SYCE1L: variants seen among roughly 807,000 people sequenced by gnomAD.
SYCE1L encodes the protein synaptonemal complex central element protein 1-like.
In SYCE1L, 51 loss-of-function variants were observed where a neutral mutation model predicts 39.6. That is an observed-to-expected ratio of 1.29 (90% CI 1.03 to 1.63). SYCE1L has a LOEUF of 1.63. SYCE1L is among the 40% of genes most tolerant of loss of function. SYCE1L has a pLI of 0.00. For missense variants in SYCE1L, 426 were observed against 304.9 expected, an observed-to-expected ratio of 1.40 and a Z score of -2.96; for synonymous variants, 147 against 122.4, an observed-to-expected ratio of 1.20 and a Z score of -1.33.
intron 1 of SYCE1L, among the ~76,000 whole-genome samples, chr16:77,202,962 GCTTTA>G (rs1463584865): frequency 1.6e-5 from 2 of 126,786 alleles, no homozygotes; most frequent in East Asian, 7.3e-4. Context: ...TATTAAAGTA[GCTTTA>G]CTTTTTTGTC....
intron 4 of SYCE1L, 77 bp downstream of exon 4, chr16:77,208,616 C>T (rs2343035): frequency 0.68 from 932,789 of 1,375,134 alleles, 318,444 homozygotes; most frequent in Non-Finnish European, 0.7. Flanking sequence ...GCACAGGCTG[C>T]TCCCTGGCCT....
In SYCE1L at chr16:77,209,390, AGGGTCCCCTT is replaced by A. The variant is rs2054807504; in HGVS notation, c.305-24_305-15del. 13 of 1,551,352 alleles carry A rather than the reference AGGGTCCCCTT, an allele frequency of 8.4e-6. No individual in the cohort carries two copies. The highest frequency in any genetic ancestry group is 1.1e-5 in the Non-Finnish European group (13 of 1,146,820). ...ACCCTGACTCCCCAAGAGCTCTCAA[AGGGTCCCCTT>A]GGTTCCTTCCCCACAGAGGCACTGA... On this transcript the variant is annotated splice_polypyrimidine_tract_variant and intron_variant, in intron 5 of 10. Coordinates refer to ENST00000378644, the MANE Select transcript of SYCE1L (RefSeq NM_001129979.3).
intron 2 of SYCE1L, among the ~76,000 whole-genome samples, chr16:77,206,833 A>G (rs531364996): frequency 1.7e-3 from 86 of 49,664 alleles, no homozygotes; most frequent in Non-Finnish European, 5.4e-3. Flanking sequence ...ATGGATGTAT[A>G]TTTTTTGTCC....
intron 1 of SYCE1L, chr16:77,201,172 A>C (rs2054738429): frequency 6.6e-6 from 1 of 152,232 alleles, no homozygotes; most frequent in Non-Finnish European, 1.5e-5. Context: ...TTAATGTGTG[A>C]CCAATGAAAT....
chr16:77,199,882 C>T (rs1485021041), intron 1 of SYCE1L: 1 of 179,356 alleles, frequency 5.6e-6, no homozygotes, highest in East Asian at 1.6e-4. Flanking sequence ...TCACACCTAA[C>T]ACATATGACA....
At position 77,212,583 on chromosome 16, in the gene SYCE1L, G is replaced by A. The variant is rs531815631; in HGVS notation, c.591G>A (p.Ala197=). 6 of 1,536,534 alleles carry A rather than the reference G, an allele frequency of 3.9e-6. No individual in the cohort carries two copies. Among genetic ancestry groups the A allele is most frequent in the Non-Finnish European group, 5.2e-6 (6 of 1,146,552 alleles). ...GGCCCCTTCTCCGCAGGCTGAAGGC[G>A]GAGCTGGAGATATTCGGGGAGCAGG... ...GAMAVNDGLK[A]ELEIFGEQVR... is the part of the protein sequence containing the mutation. Residue 197 remains alanine, a synonymous_variant, in exon 10 of 11, where the codon GCG becomes GCA. Transcript: ENST00000378644.
At chr16:77,202,229 A>G (rs1329239118) in intron 1 of SYCE1L, 1 of 152,210 alleles carries the variant, frequency 6.6e-6, no homozygotes, top group African/African-American at 2.4e-5. Context: ...TATATAGGAA[A>G]TAGACACTGG....
chr16:77,203,331 T>C (rs2054759964), intron 1 of SYCE1L, among the ~76,000 whole-genome samples: 1 of 152,168 alleles, frequency 6.6e-6, no homozygotes, highest in Admixed American at 6.5e-5. Context: ...TTGTTTATCA[T>C]GTAAGTTATT....
Position 77,208,480 on chromosome 16 carries a change from G to T in SYCE1L, c.197G>T (p.Ser66Ile), listed in dbSNP as rs1488155495. Reference sequence around the variant, plus strand: ...CTTGGCCCAGCAAAGAAGAAATCCAGTGAGGAACTGAGAGAGACCCACAGT... The same window carrying T: ...CTTGGCCCAGCAAAGAAGAAATCCATTGAGGAACTGAGAGAGACCCACAGT... ...NDLQQAKKKS[S>I]EELRETHSLW... The change falls in exon 4 of 11, where the codon AGT becomes ATT. Residue 66 changes from serine (S) to isoleucine (I), a missense_variant. Ser to Ile is a moderately radical substitution (Grantham distance 142, BLOSUM62 -2). Transcript: ENST00000378644. The T allele has an allele frequency of 1.3e-6, 2 of 1,551,558 alleles. No individual in the cohort carries two copies. The highest frequency in any genetic ancestry group is 2.7e-5 in the African/African-American group (2 of 73,030).
chr16:77,212,009 T>C, intron 7 of SYCE1L, 121 bp from the exon 8 acceptor site: 1 of 1,120,140 alleles, frequency 8.9e-7, no homozygotes, highest in Admixed American at 2.8e-5. Context: ...AGTTAATAAA[T>C]AGTTGAATGA....
At chr16:77,201,724 G>T in intron 1 of SYCE1L, 1 of 152,158 alleles carries the variant, frequency 6.6e-6, no homozygotes, top group East Asian at 1.9e-4. Context: ...TGTGCATGCT[G>T]TGGAGTGTCT....
intron 5 of SYCE1L, 41 bp downstream of exon 5, chr16:77,209,185 ACC>A (rs1320466386): frequency 6.5e-7 from 1 of 1,548,192 alleles, no homozygotes; most frequent in Admixed American, 2.0e-5. Context: ...CTACTCTTCC[ACC>A]CCACAAAAGT....
At chr16:77,203,916 A>T (rs1429876869) in intron 1 of SYCE1L, among the ~76,000 whole-genome samples, 2 of 152,128 alleles carry the variant, frequency 1.3e-5, no homozygotes, top group Middle Eastern at 3.2e-3. Context: ...GTTTAAAATT[A>T]TAAGCAGTGA....
chr16:77,199,503 G>A lies in SYCE1L; in HGVS notation c.52G>A (p.Glu18Lys), dbSNP rs761238363. The A allele has an allele frequency of 1.0e-5, 16 of 1,551,496 alleles. No homozygotes were observed. The highest frequency in any genetic ancestry group is 2.0e-5 in the Admixed American group (1 of 51,008). Residue 18 changes from glutamate (E) to lysine (K), a missense_variant, in exon 1 of 11, where the codon GAG (glutamate) becomes AAG (lysine). Coordinates refer to ENST00000378644, the MANE Select transcript of SYCE1L (RefSeq NM_001129979.3). ...TGTGGAGGCGCCAGAAGCTACTGAG[G>A]AGGCTGAAGGTAGTGAGGGCAAGTG... ...LNVEAPEATE[E>K]AEGQAKSLKT...
Position 77,208,552 on chromosome 16 carries a change from A to C in SYCE1L, c.256+13A>C. The C allele has an allele frequency of 6.4e-7, 1 of 1,551,388 alleles. No homozygotes were observed. The highest frequency in any genetic ancestry group is 8.7e-7 in the Non-Finnish European group (1 of 1,146,744). On this transcript the variant is annotated intron_variant, in intron 4 of 10. Coordinates refer to ENST00000378644, the MANE Select transcript of SYCE1L (RefSeq NM_001129979.3). ...GAATTAGACTCCTGTAAGTGGGGCC[A>C]AAAGAGGGACCCATCAACACTGCAG... is the stretch of plus-strand genomic sequence containing the variant.
At chr16:77,211,359 C>T in intron 7 of SYCE1L, 83 bp downstream of exon 7, 1 of 1,480,936 alleles carries the variant, frequency 6.8e-7, no homozygotes, top group Non-Finnish European at 9.2e-7. Context: ...TCCACCCCTG[C>T]CCAGGCTCAA....
rs559982381 is a variant in SYCE1L at position 77,211,291 on chromosome 16, T to C, written c.423+15T>C. ...GGGAATTCCACGTGAGCCATTATCA[T>C]TGCCTGCAACCAAAGCCACTCCTCC... On this transcript the variant is annotated intron_variant, in intron 7 of 10. Coordinates refer to ENST00000378644, the MANE Select transcript of SYCE1L (RefSeq NM_001129979.3). 2.6e-5 allele frequency: 40 copies of C among 1,551,854 alleles called. No homozygotes were observed. Among genetic ancestry groups the C allele is most frequent in the East Asian group, 4.9e-5 (2 of 40,902 alleles).
At chr16:77,203,296 T>C (rs541261804) in intron 1 of SYCE1L, among the ~76,000 whole-genome samples, 1 of 152,228 alleles carries the variant, frequency 6.6e-6, no homozygotes, top group Non-Finnish European at 1.5e-5. Context: ...GGGAGACTTT[T>C]CCTTTTTATT....
At chr16:77,203,121 G>T (rs943770091) in intron 1 of SYCE1L, among the ~76,000 whole-genome samples, 1 of 152,088 alleles carries the variant, frequency 6.6e-6, no homozygotes, top group Non-Finnish European at 1.5e-5. Context: ...TTTACATCAC[G>T]TATTTCTTTG....
Sources: gnomAD v4.1 joint callset for allele counts (sites outside exome capture counted in the v4.1 genomes callset) on GRCh38, gnomAD v4.1.1 for gene constraint, MANE v1.5 for transcripts, NCBI Gene and HGNC (gene_info 2026-07-23, HGNC 2026-07-21) for gene names.